Variants in PPP2R2B observed in about 807,000 individuals in gnomAD.
PPP2R2B encodes the protein serine/threonine-protein phosphatase 2A 55 kDa regulatory subunit B beta isoform.
In PPP2R2B, 5 loss-of-function variants were observed where a neutral mutation model predicts 46.0. The observed-to-expected ratio is 0.11, with a 90% CI of 0.06 to 0.23. The LOEUF is 0.23. PPP2R2B is among the 10% of genes least tolerant of loss of function. PPP2R2B has a pLI of 1.00. For missense variants in PPP2R2B, 367 were observed against 575.0 expected, an observed-to-expected ratio of 0.64 and a Z score of 3.70; for synonymous variants, 215 against 206.7, an observed-to-expected ratio of 1.04 and a Z score of -0.34.
intron 1 of PPP2R2B, among the ~76,000 whole-genome samples, chr5:147,030,310 G>A (rs919467594): frequency 9.9e-5 from 15 of 152,062 alleles, no homozygotes; most frequent in African/African-American, 3.4e-4. Context: ...GAAGATATAA[G>A]TTCATTTTAC....
At chr5:146,978,232 G>T (rs1423774052) in intron 1 of PPP2R2B, among the ~76,000 whole-genome samples, 1 of 151,792 alleles carries the variant, frequency 6.6e-6, no homozygotes, top group African/African-American at 2.4e-5. Flanking sequence ...TTTTTTAATT[G>T]TAAATTTGTT....
intron 1 of PPP2R2B, among the ~76,000 whole-genome samples, chr5:146,971,908 TCATATCTC>T (rs1312568127): frequency 6.6e-6 from 1 of 152,236 alleles, no homozygotes; most frequent in Non-Finnish European, 1.5e-5. Flanking sequence ...TGGCAACATC[TCATATCTC>T]CATGGTACAC....
exon 1 of PPP2R2B, chr5:147,055,773 A>G: frequency 6.3e-7 from 1 of 1,579,606 alleles, no homozygotes; most frequent in Non-Finnish European, 8.6e-7. Context: ...AATCTAAATA[A>G]AAAAACAGTC....
At chr5:146,954,044 A>G (rs1270549719) in intron 1 of PPP2R2B, among the ~76,000 whole-genome samples, 1 of 152,078 alleles carries the variant, frequency 6.6e-6, no homozygotes, top group Non-Finnish European at 1.5e-5. Context: ...GTGTGCATGC[A>G]ATTTAATTTT....
At chr5:146,684,610 T>C (rs1232499118) in intron 5 of PPP2R2B, among the ~76,000 whole-genome samples, 1 of 152,174 alleles carries the variant, frequency 6.6e-6, no homozygotes, top group Non-Finnish European at 1.5e-5. Flanking sequence ...AAAGGATCCT[T>C]GGGAGCATCA....
chr5:147,024,193 A>G (rs1016885890), intron 1 of PPP2R2B, among the ~76,000 whole-genome samples: 11 of 151,810 alleles, frequency 7.2e-5, no homozygotes, highest in African/African-American at 2.7e-4. Flanking sequence ...CTATCTATCT[A>G]TCTATCTATC....
At chr5:146,809,173 C>T (rs929635196) in intron 2 of PPP2R2B, among the ~76,000 whole-genome samples, 5 of 152,102 alleles carry the variant, frequency 3.3e-5, no homozygotes, top group Admixed American at 6.6e-5. Context: ...TCCCTTTCTC[C>T]GCCAGGGTAA....
At chr5:147,055,175 C>T (rs75168890) in intron 1 of PPP2R2B, among the ~76,000 whole-genome samples, 1 of 152,292 alleles carries the variant, frequency 6.6e-6, no homozygotes, top group Admixed American at 6.5e-5. Context: ...AACCCAAGTA[C>T]AGACTCCAAG....
intron 2 of PPP2R2B, among the ~76,000 whole-genome samples, chr5:146,846,929 T>C (rs1208522854): frequency 2.0e-5 from 3 of 152,238 alleles, no homozygotes; most frequent in East Asian, 1.9e-4. Flanking sequence ...TAAATTCTTA[T>C]GTTATTCTAC....
intron 1 of PPP2R2B, among the ~76,000 whole-genome samples, chr5:146,915,211 C>T (rs1763338181): frequency 1.3e-5 from 2 of 152,092 alleles, no homozygotes; most frequent in African/African-American, 4.8e-5. Flanking sequence ...ATTTGCTGTA[C>T]TCTGCCAAGT....
chr5:146,664,407 T>G (rs1776851950), intron 5 of PPP2R2B, among the ~76,000 whole-genome samples: 1 of 152,112 alleles, frequency 6.6e-6, no homozygotes, highest in Non-Finnish European at 1.5e-5. Flanking sequence ...AGATCCCACC[T>G]CAATAAACCA....
At chr5:147,065,362 G>A (rs971547119) in intron 2 of PPP2R2B, among the ~76,000 whole-genome samples, 1 of 152,116 alleles carries the variant, frequency 6.6e-6, no homozygotes, top group African/African-American at 2.4e-5. Context: ...GTGTAGTGCT[G>A]GAGGTGAGGG....
chr5:146,699,666 T>TG (rs1183949622), intron 3 of PPP2R2B, among the ~76,000 whole-genome samples: 2 of 150,680 alleles, frequency 1.3e-5, no homozygotes, highest in African/African-American at 4.9e-5. Context: ...AATTGGTTTT[T>TG]TTTTTTTTTT....
At chr5:146,999,012 T>TAA (rs1359824847) in intron 1 of PPP2R2B, among the ~76,000 whole-genome samples, 1 of 30,212 alleles carries the variant, frequency 3.3e-5, no homozygotes, top group Non-Finnish European at 6.6e-5. Context: ...AGACTCCATA[T>TAA]CAAAAAAAAA....
intron 1 of PPP2R2B, among the ~76,000 whole-genome samples, chr5:147,050,057 G>T (rs947618315): frequency 6.6e-6 from 1 of 152,192 alleles, no homozygotes; most frequent in African/African-American, 2.4e-5. Context: ...AGGAACAAGT[G>T]CAGGAGTGAT....
At chr5:146,745,697 C>T (rs1387081069) in intron 2 of PPP2R2B, among the ~76,000 whole-genome samples, 3 of 152,120 alleles carry the variant, frequency 2.0e-5, no homozygotes, top group Non-Finnish European at 2.9e-5. Flanking sequence ...TGGTGGCTCA[C>T]GCCTGTAATC....
intron 2 of PPP2R2B, among the ~76,000 whole-genome samples, chr5:146,855,253 T>C (rs1039535532): frequency 7.2e-5 from 11 of 152,186 alleles, no homozygotes; most frequent in African/African-American, 2.4e-4. Context: ...AATTTTTCAA[T>C]AGCAAGGGAA....
chr5:146,920,466 C>T (rs774031927), intron 1 of PPP2R2B, among the ~76,000 whole-genome samples: 1 of 152,142 alleles, frequency 6.6e-6, no homozygotes, highest in African/African-American at 2.4e-5. Context: ...GAAATTGTAC[C>T]GTTCTAAGAG....
At chr5:146,903,394 T>C (rs1458627858) in intron 1 of PPP2R2B, among the ~76,000 whole-genome samples, 4 of 44,842 alleles carry the variant, frequency 8.9e-5, no homozygotes, top group African/African-American at 7.1e-4. Flanking sequence ...TCTTTCTCTT[T>C]TTTTTTTTTT....
Sources: gnomAD v4.1 joint callset for allele counts (sites outside exome capture counted in the v4.1 genomes callset) on GRCh38, gnomAD v4.1.1 for gene constraint, MANE v1.5 for transcripts, NCBI Gene and HGNC (gene_info 2026-07-23, HGNC 2026-07-21) for gene names.